The following DNM3 variants were observed in gnomAD, a reference collection of about 807,000 sequenced individuals.
The protein encoded by DNM3 is dynamin-3.
Under a neutral mutation model 101.6 loss-of-function variants are expected in DNM3, and 47 were observed. The observed-to-expected ratio is 0.46, with a 90% CI of 0.37 to 0.59. The LOEUF is 0.59. DNM3 is among the 20% of genes least tolerant of loss of function. The probability of loss-of-function intolerance (pLI) is 0.00; values close to 1 mark genes in which losing one functional copy is unlikely to be tolerated. For missense variants in DNM3, 849 were observed against 1,085.7 expected, an observed-to-expected ratio of 0.78 and a Z score of 3.06; for synonymous variants, 385 against 387.9, an observed-to-expected ratio of 0.99 and a Z score of 0.09.
chr1:172,194,073 T>A (rs1446580291), intron 14 of DNM3, among the ~76,000 whole-genome samples: 1 of 152,178 alleles, frequency 6.6e-6, no homozygotes, highest in Non-Finnish European at 1.5e-5. Flanking sequence ...TTTGTTCTCA[T>A]TGGTTTCAAA....
chr1:172,058,538 A>T (rs956698513), intron 10 of DNM3, among the ~76,000 whole-genome samples: 1 of 152,108 alleles, frequency 6.6e-6, no homozygotes, highest in Non-Finnish European at 1.5e-5. Context: ...AGGATTAAGA[A>T]TCTCACTGAA....
intron 13 of DNM3, among the ~76,000 whole-genome samples, chr1:172,104,214 T>G (rs939330361): frequency 6.6e-6 from 1 of 152,178 alleles, no homozygotes; most frequent in Non-Finnish European, 1.5e-5. Flanking sequence ...TGACTTTCAG[T>G]TTTTTTACTG....
intron 15 of DNM3, among the ~76,000 whole-genome samples, chr1:172,288,037 C>T (rs944545620): frequency 3.9e-5 from 6 of 152,082 alleles, no homozygotes; most frequent in East Asian, 3.8e-4. Flanking sequence ...CAACCATTGG[C>T]GAACACTTTA....
At chr1:172,095,461 C>A (rs1231825629) in intron 13 of DNM3, among the ~76,000 whole-genome samples, 2 of 152,138 alleles carry the variant, frequency 1.3e-5, no homozygotes, top group Non-Finnish European at 2.9e-5. Context: ...TTTAAAGGAT[C>A]TTCAGTAGTT....
At chr1:171,871,278 C>A (rs574610890) in intron 1 of DNM3, among the ~76,000 whole-genome samples, 6 of 152,324 alleles carry the variant, frequency 3.9e-5, no homozygotes, top group Non-Finnish European at 7.4e-5. Context: ...GGAAGCATTG[C>A]TGTCAGGGAC....
chr1:172,167,389 T>A (rs112117427), intron 14 of DNM3, among the ~76,000 whole-genome samples: 1 of 151,982 alleles, frequency 6.6e-6, no homozygotes, highest in East Asian at 1.9e-4. Flanking sequence ...TACGTGTGCA[T>A]GTGTCTTGAT....
intron 14 of DNM3, among the ~76,000 whole-genome samples, chr1:172,173,607 G>T (rs74586100): frequency 0.038 from 5,681 of 151,290 alleles, 155 homozygotes; most frequent in East Asian, 0.15. Flanking sequence ...GGGATTATAG[G>T]CTCAAAAGAG....
At chr1:172,057,661 A>G (rs1288025744) in intron 10 of DNM3, among the ~76,000 whole-genome samples, 2 of 151,624 alleles carry the variant, frequency 1.3e-5, no homozygotes, top group East Asian at 3.9e-4. Flanking sequence ...TTTTGTCACC[A>G]CCAGGCCTGC....
chr1:172,280,638 C>G (rs1281756944), intron 15 of DNM3, among the ~76,000 whole-genome samples: 1 of 152,128 alleles, frequency 6.6e-6, no homozygotes, highest in African/African-American at 2.4e-5. Flanking sequence ...TTGTACTTTA[C>G]ATTCTGCTTT....
rs79684633 is a variant in DNM3 at position 171,959,446 on chromosome 1, T to C, written c.236-28210T>C. Among the ~76,000 whole-genome samples the C allele has an allele frequency of 9.1e-3, 1,378 of 152,254 alleles. 17 individuals carry two copies. The highest frequency in any genetic ancestry group is 0.031 in the African/African-American group (1,293 of 41,550). On this transcript the variant is annotated intron_variant, in intron 2 of 20. Coordinates refer to ENST00000627582, the MANE Select transcript of DNM3 (RefSeq NM_015569.5). ...CAACTAGAGGTTTATTCAGGAACAATGATGAGCTAAGGTTCTTGAAGCACA... is the reference window on the plus strand; with the variant it reads ...CAACTAGAGGTTTATTCAGGAACAACGATGAGCTAAGGTTCTTGAAGCACA...
At chr1:172,145,953 A>G (rs982816247) in intron 14 of DNM3, among the ~76,000 whole-genome samples, 1 of 152,100 alleles carries the variant, frequency 6.6e-6, no homozygotes, top group Non-Finnish European at 1.5e-5. Flanking sequence ...TATACTCTTG[A>G]ATATTCTGAA....
chr1:171,842,024 C>T (rs2031288430), intron 1 of DNM3, among the ~76,000 whole-genome samples: 1 of 152,256 alleles, frequency 6.6e-6, no homozygotes, highest in East Asian at 1.9e-4. Context: ...TCCCCTGCCA[C>T]CCCCCGCCTG....
intron 5 of DNM3, 23 bp downstream of exon 5, chr1:172,032,523 AGACTT>A: frequency 9.8e-7 from 1 of 1,018,514 alleles, no homozygotes; most frequent in Non-Finnish European, 1.4e-6. Flanking sequence ...GGTCTATACA[AGACTT>A]TTTTTTTTTT....
intron 19 of DNM3, among the ~76,000 whole-genome samples, 183 bp from the exon 20 acceptor site, chr1:172,388,390 G>A (rs2069322541): frequency 1.3e-5 from 2 of 152,138 alleles, no homozygotes; most frequent in African/African-American, 4.8e-5. Context: ...AGAGTGAAGG[G>A]GTAGGGAGAG....
chr1:171,900,155 C>T (rs1372069407), intron 1 of DNM3, among the ~76,000 whole-genome samples: 1 of 152,152 alleles, frequency 6.6e-6, no homozygotes, highest in Non-Finnish European at 1.5e-5. Flanking sequence ...TAGTGCTATT[C>T]GCACTGTATG....
intron 15 of DNM3, among the ~76,000 whole-genome samples, chr1:172,303,312 C>T (rs374147015): frequency 7.2e-5 from 11 of 151,974 alleles, no homozygotes; most frequent in African/African-American, 1.2e-4. Context: ...TGAAATAAAG[C>T]GAGAAGAGAA....
At chr1:172,299,094 A>T (rs2064310916) in intron 15 of DNM3, among the ~76,000 whole-genome samples, 1 of 152,196 alleles carries the variant, frequency 6.6e-6, no homozygotes, top group African/African-American at 2.4e-5. Flanking sequence ...AGTAGGAATT[A>T]ACTGTGCAAA....
At chr1:171,877,177 C>T (rs1331956095) in intron 1 of DNM3, among the ~76,000 whole-genome samples, 1 of 152,096 alleles carries the variant, frequency 6.6e-6, no homozygotes, top group Admixed American at 6.5e-5. Context: ...ATAATTTTAG[C>T]CATCCTCCCC....
chr1:171,984,771 A>G (rs905027378), intron 2 of DNM3, among the ~76,000 whole-genome samples: 1 of 152,244 alleles, frequency 6.6e-6, no homozygotes, highest in Admixed American at 6.5e-5. Context: ...GTTCTTGGCA[A>G]GTAGAGTGAT....
Sources: allele counts gnomAD v4.1 joint callset (sites outside exome capture counted in the v4.1 genomes callset), GRCh38; gene constraint gnomAD v4.1.1; transcripts MANE v1.5; gene names NCBI Gene and HGNC (gene_info 2026-07-23, HGNC 2026-07-21).